Variants in CAMK1D observed in about 807,000 individuals in gnomAD.
CAMK1D encodes calcium/calmodulin-dependent protein kinase type 1D.
In CAMK1D, 9 loss-of-function variants were observed where a neutral mutation model predicts 47.7. The observed-to-expected ratio is 0.19, with a 90% CI of 0.11 to 0.33. The LOEUF (loss-of-function observed/expected upper bound fraction) is 0.33. Ranked by LOEUF, CAMK1D falls within the 10% of genes least tolerant of loss-of-function variation. The pLI is 1.00. For synonymous variants in CAMK1D, 184 were observed against 184.9 expected, an observed-to-expected ratio of 0.99 and a Z score of 0.04; for missense variants, 291 against 488.7, an observed-to-expected ratio of 0.60 and a Z score of 3.81.
chr10:12,828,643 G>GAA (rs55888132), intron 10 of CAMK1D, 126 bp from the exon 11 acceptor site: 45,908 of 432,412 alleles, frequency 0.11, 1 homozygote, highest in South Asian at 0.15. Flanking sequence ...TCCATCTCAA[G>GAA]AAAAAAAAAA....
chr10:12,360,227 T>C (rs1837618330), intron 1 of CAMK1D, among the ~76,000 whole-genome samples: 1 of 152,228 alleles, frequency 6.6e-6, no homozygotes, highest in Non-Finnish European at 1.5e-5. Context: ...GATTTGGTGC[T>C]GTAAATGGAA....
intron 3 of CAMK1D, among the ~76,000 whole-genome samples, chr10:12,724,377 G>T (rs576518355): frequency 6.6e-6 from 1 of 152,316 alleles, no homozygotes; most frequent in East Asian, 1.9e-4. Context: ...GGGGGCCAGG[G>T]TTTGTGTTCT....
At chr10:12,826,923 G>A (rs994521061) in intron 10 of CAMK1D, among the ~76,000 whole-genome samples, 7 of 152,176 alleles carry the variant, frequency 4.6e-5, no homozygotes, top group Non-Finnish European at 8.8e-5. Flanking sequence ...TTGTCCCCAT[G>A]TCTGAGCACA....
At chr10:12,588,761 C>T (rs1270693841) in intron 2 of CAMK1D, among the ~76,000 whole-genome samples, 1 of 151,422 alleles carries the variant, frequency 6.6e-6, no homozygotes, top group African/African-American at 2.4e-5. Context: ...AGAGTTGTGT[C>T]AATTTAAAGT....
intron 2 of CAMK1D, among the ~76,000 whole-genome samples, chr10:12,600,070 A>G (rs1313026710): frequency 1.3e-5 from 2 of 152,152 alleles, no homozygotes; most frequent in Non-Finnish European, 2.9e-5. Context: ...GTGCCACTGC[A>G]CTCCAGCCTT....
At chr10:12,717,731 G>GAAAAAAAAAAAAAAAA (rs11289567) in intron 3 of CAMK1D, among the ~76,000 whole-genome samples, 2 of 121,194 alleles carry the variant, frequency 1.7e-5, no homozygotes, top group African/African-American at 3.5e-5. Flanking sequence ...ACAAAAAATT[G>GAAAAAAAAAAAAAAAA]AAAAAAAAAA....
chr10:12,464,708 A>C (rs968466395), intron 1 of CAMK1D, among the ~76,000 whole-genome samples: 2 of 151,896 alleles, frequency 1.3e-5, no homozygotes, highest in African/African-American at 4.8e-5. Flanking sequence ...CCAGCTACTC[A>C]GGAGGCTGAG....
chr10:12,599,177 T>C (rs562701680), intron 2 of CAMK1D, among the ~76,000 whole-genome samples: 1 of 152,306 alleles, frequency 6.6e-6, no homozygotes, highest in South Asian at 2.1e-4. Context: ...TTTTTGGGGG[T>C]TACTTGGAGC....
chr10:12,479,071 T>C (rs1833985873), intron 1 of CAMK1D, among the ~76,000 whole-genome samples: 2 of 152,202 alleles, frequency 1.3e-5, no homozygotes, highest in South Asian at 4.1e-4. Context: ...TGGGAGCCAA[T>C]GACTCTCAAA....
chr10:12,689,320 T>G (rs2130653983), intron 3 of CAMK1D, among the ~76,000 whole-genome samples: 1 of 152,350 alleles, frequency 6.6e-6, no homozygotes, highest in South Asian at 2.1e-4. Context: ...AAACAAACTA[T>G]ACTCTTTAGT....
intron 1 of CAMK1D, among the ~76,000 whole-genome samples, chr10:12,404,040 C>A (rs1342283678): frequency 1.3e-5 from 2 of 150,316 alleles, no homozygotes; most frequent in African/African-American, 4.9e-5. Context: ...GTTTTTTGAG[C>A]TTTTCTTTTT....
At chr10:12,641,619 CA>C (rs572283072) in intron 2 of CAMK1D, among the ~76,000 whole-genome samples, 69 of 127,462 alleles carry the variant, frequency 5.4e-4, no homozygotes, top group South Asian at 1.0e-3. Flanking sequence ...ATCCCCATCT[CA>C]AAAAAAAAAA....
rs367919756 is a variant in CAMK1D, at chr10:12,732,670, G to GCCC, written c.300-28272_300-28270dup. Among the ~76,000 whole-genome samples the GCCC allele has an allele frequency of 8.4e-3, 604 of 71,764 alleles. 11 individuals carry two copies. The highest frequency in any genetic ancestry group is 0.025 in the African/African-American group (562 of 22,342). The allele number at this position is 71,764 out of a possible 152,430, so 47.1% of individuals were successfully genotyped here. ...GGGCCCCCATTATTCAATTACCCCC[G>GCCC]CCCCCCCCGCCCCCTGTCCCTCCCA... On this transcript the variant is annotated intron_variant, in intron 3 of 10. Transcript: ENST00000619168.
intron 1 of CAMK1D, among the ~76,000 whole-genome samples, chr10:12,361,703 C>T (rs1432646953): frequency 2.0e-5 from 3 of 149,230 alleles, no homozygotes; most frequent in Non-Finnish European, 1.5e-5. Context: ...TTACAGGCGC[C>T]CACCACCACG....
At chr10:12,582,320 T>C (rs1483828281) in intron 2 of CAMK1D, among the ~76,000 whole-genome samples, 2 of 152,194 alleles carry the variant, frequency 1.3e-5, no homozygotes, top group Admixed American at 6.5e-5. Flanking sequence ...TCAGATAAAA[T>C]GATGCCTCCA....
At chr10:12,630,888 C>A (rs1387247538) in intron 2 of CAMK1D, among the ~76,000 whole-genome samples, 1 of 152,150 alleles carries the variant, frequency 6.6e-6, no homozygotes, top group African/African-American at 2.4e-5. Flanking sequence ...AGGGTGCACC[C>A]AGGGATCAGT....
chr10:12,700,252 G>A (rs1209913087), intron 3 of CAMK1D, among the ~76,000 whole-genome samples: 2 of 152,156 alleles, frequency 1.3e-5, no homozygotes, highest in South Asian at 4.1e-4. Flanking sequence ...AGGTTTAGTT[G>A]ACTCCCAGTT....
intron 1 of CAMK1D, among the ~76,000 whole-genome samples, chr10:12,384,871 C>T (rs565017419): frequency 5.3e-5 from 8 of 152,190 alleles, no homozygotes; most frequent in African/African-American, 1.7e-4. Context: ...GTGGGAAATG[C>T]GTTTTGAAAA....
At chr10:12,745,926 C>A (rs537105899) in intron 3 of CAMK1D, among the ~76,000 whole-genome samples, 2 of 152,112 alleles carry the variant, frequency 1.3e-5, no homozygotes, top group African/African-American at 4.8e-5. Flanking sequence ...CAACTTTCTT[C>A]CAGAATACCA....
Sources: gnomAD v4.1 joint callset for allele counts (sites outside exome capture counted in the v4.1 genomes callset) on GRCh38, gnomAD v4.1.1 for gene constraint, MANE v1.5 for transcripts, NCBI Gene and HGNC (gene_info 2026-07-23, HGNC 2026-07-21) for gene names.